Variants in TUT7 observed in about 807,000 individuals in gnomAD.
TUT7 encodes terminal uridylyl transferase 7, also known as terminal uridylyltransferase 7.
In TUT7, 33 loss-of-function variants were observed where a neutral mutation model predicts 165.9. The ratio of observed to expected loss-of-function variants is 0.20; its 90% confidence interval spans 0.15 to 0.27. The LOEUF is 0.27. Among genes scored for constraint, TUT7 ranks in the 10% least tolerant of loss-of-function variants. The pLI is 1.00. For synonymous variants in TUT7, 552 were observed against 608.1 expected (o/e 0.91, Z 1.36); for missense variants, 1,338 against 1,762.3 (o/e 0.76, Z 4.31).
chr9:86,310,394 G>A (rs558076737), intron 18 of TUT7, among the ~76,000 whole-genome samples: 3 of 149,820 alleles, frequency 2.0e-5, no homozygotes, highest in African/African-American at 7.4e-5. Flanking sequence ...GCTTTTATAC[G>A]TCCTTGGTCT....
intron 26 of TUT7, among the ~76,000 whole-genome samples, chr9:86,291,780 C>G (rs10868406): frequency 0.75 from 114,443 of 152,088 alleles, 44,656 homozygotes; most frequent in East Asian, 0.99. Context: ...CCAATACAAG[C>G]GTAATCTGAT....
rs61742249 is a variant in TUT7 at position 86,322,456 on chromosome 9, C to T, written c.2897G>A (p.Ser966Asn). The T allele has an allele frequency of 8.4e-4, 1,363 of 1,613,586 alleles. 13 individuals are homozygous for T. The African/African-American group carries it at 0.017, about 20-fold the overall frequency. Residue 966 changes from serine (S) to asparagine (N), a missense_variant, in exon 14 of 27, where the codon AGC (serine) becomes AAC (asparagine). Ser to Asn is a conservative substitution (Grantham distance 46). This residue lies in a region of TUT7 where 425 missense variants were observed against 474.9 expected (regional missense o/e 0.89). Coordinates refer to ENST00000375963, the MANE Select transcript of TUT7 (RefSeq NM_024617.4). ...TAGATGACCCTCTCGTTTGCATAAGCTGCACACTACCGTAGGAGACTGCAG... is the reference window on the plus strand; with the variant it reads ...TAGATGACCCTCTCGTTTGCATAAGTTGCACACTACCGTAGGAGACTGCAG... Reference protein sequence around the residue: ...TKGKSPTVVCSLCKREGHLKK... With the variant: ...TKGKSPTVVCNLCKREGHLKK...
chr9:86,313,254 C>T (rs1321147926), intron 17 of TUT7, among the ~76,000 whole-genome samples: 1 of 151,906 alleles, frequency 6.6e-6, no homozygotes, highest in African/African-American at 2.4e-5. Flanking sequence ...AGACAATAAC[C>T]CTGGCAGTGG....
In TUT7 at chr9:86,323,551, A is replaced by G. The variant is rs753141165; in HGVS notation, c.2199T>C (p.Ser733=). ...NSDCIQADVN[S]DDYKGDKVYH... is the part of the protein sequence containing the mutation. ...ATACTTTATCACCCTTGTAATCATC[A>G]GAGTTAACATCTGCTTGGATACAGT... Residue 733 remains serine (S), a synonymous_variant, in exon 13 of 27, where the codon TCT becomes TCC. Coordinates refer to ENST00000375963, the MANE Select transcript of TUT7 (RefSeq NM_024617.4). 1.2e-6 allele frequency: 2 copies of G among 1,614,138 alleles called. No homozygotes were observed. Among genetic ancestry groups the G allele is most frequent in the Non-Finnish European group, 1.7e-6 (2 of 1,180,036 alleles).
intron 5 of TUT7, among the ~76,000 whole-genome samples, chr9:86,344,325 G>C (rs1831571464): frequency 6.6e-6 from 1 of 151,958 alleles, no homozygotes; most frequent in African/African-American, 2.4e-5. Flanking sequence ...ATGATGTGGG[G>C]TGGGGTTTGT....
At chr9:86,302,743 A>G (rs1298180606) in intron 25 of TUT7, among the ~76,000 whole-genome samples, 1 of 150,998 alleles carries the variant, frequency 6.6e-6, no homozygotes, top group Non-Finnish European at 1.5e-5. Context: ...CAGCCTCCCA[A>G]GTAGCTGGGA....
chr9:86,291,499 G>A (rs539679666), intron 26 of TUT7, among the ~76,000 whole-genome samples: 102 of 151,082 alleles, frequency 6.8e-4, no homozygotes, highest in African/African-American at 2.3e-3. Flanking sequence ...TTGAATCCAG[G>A]AGGCAGACGT....
intron 2 of TUT7, 150 bp from the exon 3 acceptor site, chr9:86,346,630 T>C (rs1184847281): frequency 2.7e-6 from 2 of 748,090 alleles, no homozygotes; most frequent in African/African-American, 3.5e-5. Context: ...ATGGACAAAA[T>C]GCTTTAATAC....
chr9:86,299,543 T>C (rs1411186590), intron 26 of TUT7, among the ~76,000 whole-genome samples: 1 of 152,230 alleles, frequency 6.6e-6, no homozygotes, highest in Non-Finnish European at 1.5e-5. Flanking sequence ...TAAAATATGA[T>C]GACTACTAAC....
chr9:86,305,440 A>C (rs1297020347), intron 22 of TUT7, among the ~76,000 whole-genome samples: 2 of 152,204 alleles, frequency 1.3e-5, no homozygotes, highest in East Asian at 3.8e-4. Context: ...AGTTATAATA[A>C]AGCTAAGCAA....
intron 26 of TUT7, among the ~76,000 whole-genome samples, chr9:86,289,995 A>G (rs532289768): frequency 2.0e-5 from 3 of 152,202 alleles, no homozygotes; most frequent in Non-Finnish European, 4.4e-5. Flanking sequence ...ATAAAACTAT[A>G]TAAATAGCAT....
At chr9:86,340,189 T>G in intron 7 of TUT7, 84 bp from the exon 8 acceptor site, 1 of 1,150,246 alleles carries the variant, frequency 8.7e-7, no homozygotes, top group East Asian at 2.3e-5. Context: ...AAGTACCAGT[T>G]GTCCCTTAGC....
intron 2 of TUT7, among the ~76,000 whole-genome samples, chr9:86,349,068 C>T (rs1252258552): frequency 2.6e-5 from 4 of 152,008 alleles, no homozygotes; most frequent in African/African-American, 4.8e-5. Context: ...CACCTGAGGT[C>T]GGGAGTTCGA....
intron 17 of TUT7, among the ~76,000 whole-genome samples, chr9:86,314,486 T>C (rs1202590641): frequency 6.6e-6 from 1 of 152,252 alleles, no homozygotes; most frequent in Non-Finnish European, 1.5e-5. Flanking sequence ...TATATGCTCA[T>C]GGCAAACTAA....
At chr9:86,309,027 A>C (rs906237143) in intron 21 of TUT7, among the ~76,000 whole-genome samples, 185 bp downstream of exon 21, 5 of 152,254 alleles carry the variant, frequency 3.3e-5, no homozygotes, top group South Asian at 4.1e-4. Context: ...TATAGGCCCT[A>C]GAAATTCACT....
At chr9:86,308,033 G>A (rs1050459140) in intron 22 of TUT7, among the ~76,000 whole-genome samples, 9 of 152,008 alleles carry the variant, frequency 5.9e-5, no homozygotes, top group Non-Finnish European at 8.8e-5. Flanking sequence ...CTTCCATATG[G>A]TCAAAATAAA....
chr9:86,289,377 A>C (rs1825743724), intron 26 of TUT7, among the ~76,000 whole-genome samples: 1 of 152,212 alleles, frequency 6.6e-6, no homozygotes, highest in African/African-American at 2.4e-5. Context: ...TACATAATGA[A>C]GTTTGCATTT....
At chr9:86,336,556 T>G (rs530393393) in intron 10 of TUT7, among the ~76,000 whole-genome samples, 2 of 152,286 alleles carry the variant, frequency 1.3e-5, no homozygotes, top group Admixed American at 6.5e-5. Context: ...AGGAAAAAAT[T>G]CTCTTTAAAT....
In TUT7 at chr9:86,289,457, A is replaced by G. The variant is rs578203943; in HGVS notation, c.4421-713T>C. Among the ~76,000 whole-genome samples the G allele has an allele frequency of 6.6e-5, 10 of 152,318 alleles. 1 individual carries two copies. In the South Asian group the frequency reaches 2.1e-3, roughly 32 times the overall value. On this transcript the variant is annotated intron_variant, in intron 26 of 26. Coordinates refer to ENST00000375963, the MANE Select transcript of TUT7 (RefSeq NM_024617.4). ...GTCAAATAAGTAATTTTGGAGGGGA[A>G]GAAAGGAGGTAGTTTCCCTCCTCAC... is the stretch of plus-strand genomic sequence containing the variant.
Sources: allele counts gnomAD v4.1 joint callset (sites outside exome capture counted in the v4.1 genomes callset), GRCh38; gene constraint gnomAD v4.1.1; regional missense constraint gnomAD v4.1.1; transcripts MANE v1.5; gene names NCBI Gene and HGNC (gene_info 2026-07-23, HGNC 2026-07-21).